Variants in RASIP1 observed in about 807,000 individuals in gnomAD.
The protein encoded by RASIP1 is Ras interacting protein 1.
Under a neutral mutation model 85.3 loss-of-function variants are expected in RASIP1, and 20 were observed. That is an observed-to-expected ratio of 0.23 (90% CI 0.17 to 0.34). The LOEUF (loss-of-function observed/expected upper bound fraction) is 0.34, where lower values mean the gene tolerates loss of function less well. Among genes scored for constraint, RASIP1 ranks in the 10% least tolerant of loss-of-function variants. The probability of loss-of-function intolerance (pLI) is 1.00; values close to 1 mark genes in which losing one functional copy is unlikely to be tolerated. For missense variants in RASIP1, 1,170 were observed against 1,390.9 expected, an observed-to-expected ratio of 0.84 and a Z score of 2.53; for synonymous variants, 617 against 647.1, an observed-to-expected ratio of 0.95 and a Z score of 0.71.
chr19:48,730,234 C>T (rs1401633692), intron 4 of RASIP1, among the ~76,000 whole-genome samples: 2 of 152,018 alleles, frequency 1.3e-5, no homozygotes, highest in Admixed American at 6.5e-5. Context: ...GGCACGATCT[C>T]GGCTCACTCC....
Position 48,724,308 on chromosome 19 carries a change from G to T in RASIP1, c.2544+29C>A. ...AGGGGGGTTGAGGAGTCAGAGGTCA[G>T]GGGTCAGGTATAGCTGACCAGGAGT... On this transcript the variant is annotated intron_variant, in intron 10 of 11. Transcript: ENST00000222145. The surrounding 1 kb of genome is among the most constrained non-coding windows in gnomAD (Gnocchi z 4.6). 1 of 1,600,876 alleles carries T rather than the reference G, an allele frequency of 6.2e-7. No individual in the cohort carries two copies. The highest frequency in any genetic ancestry group is 1.1e-5 in the South Asian group (1 of 90,214).
chr19:48,740,408 G>A lies in RASIP1; in HGVS notation c.-5+113C>T. 1 of 1,413,522 alleles carries A rather than the reference G, an allele frequency of 7.1e-7. No individual in the cohort carries two copies. Among genetic ancestry groups the A allele is most frequent in the East Asian group, 2.7e-5 (1 of 37,184 alleles). 87.6% of individuals were successfully genotyped at this position (1,413,522 alleles called of 1,614,324 possible). A position where few individuals can be genotyped will look rare whatever the true frequency, so the allele number is the denominator to read the frequency against. ...GGGCTCAGACTTGCGAGTCCAGGGGGAGGAGAGGGATGGTACCCTGGATTC... is the reference window on the plus strand; with the variant it reads ...GGGCTCAGACTTGCGAGTCCAGGGGAAGGAGAGGGATGGTACCCTGGATTC... On this transcript the variant is annotated intron_variant, in intron 1 of 11. Coordinates refer to ENST00000222145, the MANE Select transcript of RASIP1 (RefSeq NM_017805.3). This position sits in a 1 kb window ranked among gnomAD's most constrained non-coding sequence, Gnocchi z 5.5.
chr19:48,739,443 C>A lies in RASIP1; in HGVS notation c.340G>T (p.Gly114Cys). The stretch of plus-strand genomic sequence containing the variant: ...TTCTCGCTGGCCCAGCGCTGCGCGC[C>A]CCCCGGGGTCCCAGGGCCTCCTGCG... ...SGAGGPGTPG[G>C]AQRWASEKKL... Residue 114 changes from glycine to cysteine, a missense_variant, in exon 3 of 12, where the codon GGC becomes TGC. Around this residue, in one of 4 missense-constraint regions of RASIP1, gnomAD observed 299 missense variants for 394.4 expected, o/e 0.76. Coordinates refer to ENST00000222145, the MANE Select transcript of RASIP1 (RefSeq NM_017805.3). This position sits in a 1 kb window ranked among gnomAD's most constrained non-coding sequence, Gnocchi z 9.2. The A allele has an allele frequency of 6.9e-7, 1 of 1,451,550 alleles. No individual in the cohort carries two copies. The highest frequency in any genetic ancestry group is 3.0e-5 in the East Asian group (1 of 33,254). The allele number at this position is 1,451,550 out of a possible 1,614,324, so 89.9% of individuals were successfully genotyped here.
intron 4 of RASIP1, among the ~76,000 whole-genome samples, chr19:48,731,389 C>T (rs1322136854): frequency 6.6e-6 from 1 of 152,042 alleles, no homozygotes; most frequent in Non-Finnish European, 1.5e-5. Context: ...AGAGATAACC[C>T]CCCTTCCATC....
At position 48,724,527 on chromosome 19, in the gene RASIP1, A is replaced by T. The variant is rs2033307768; in HGVS notation, c.2372-18T>A. On this transcript the variant is annotated intron_variant, in intron 9 of 11. Transcript: ENST00000222145. This position sits in a 1 kb window ranked among gnomAD's most constrained non-coding sequence, Gnocchi z 4.6. ...GCCTTGACCTGTGGGTGTTAAAGGT[A>T]TGAGAGGCAGTTGGTTGGCTGGACT... The T allele has an allele frequency of 1.2e-6, 2 of 1,608,866 alleles. No homozygotes were observed. The highest frequency in any genetic ancestry group is 1.3e-5 in the African/African-American group (1 of 74,926).
Position 48,721,989 on chromosome 19 carries a change from T to A in RASIP1, c.2557A>T (p.Ser853Cys), listed in dbSNP as rs746284522. The A allele has an allele frequency of 6.8e-7, 1 of 1,461,414 alleles. No individual in the cohort carries two copies. Among genetic ancestry groups the A allele is most frequent in the Non-Finnish European group, 9.2e-7 (1 of 1,089,670 alleles). 90.5% of individuals were successfully genotyped at this position (1,461,414 alleles called of 1,614,324 possible). ...RTSLLKASWS[S>C]LRTDHPTLTP... ...AAGGTGGGGTGGTCGGTTCTTAGGC[T>A]GCTCCATGAAGCCTGGTGGGAAGAC... The change falls in exon 11 of 12, where the codon AGC becomes TGC. Residue 853 changes from serine (S) to cysteine (C), a missense_variant. Physicochemically the swap from Ser to Cys is moderately radical, Grantham distance 112 (BLOSUM62 -1). Around this residue, in one of 4 missense-constraint regions of RASIP1, gnomAD observed 426 missense variants for 576.2 expected, o/e 0.74. Transcript: ENST00000222145.
intron 3 of RASIP1, chr19:48,737,769 A>G: frequency 1.0e-6 from 1 of 983,980 alleles, no homozygotes; most frequent in Non-Finnish European, 1.2e-6. Flanking sequence ...GGGACCCAAC[A>G]GTTTTTGCCC....
In RASIP1 at chr19:48,729,029, G is replaced by A. The variant is rs1417626947; in HGVS notation, c.1741C>T (p.Leu581=). The A allele has an allele frequency of 7.1e-7, 1 of 1,417,890 alleles. No individual in the cohort carries two copies. Among genetic ancestry groups the A allele is most frequent in the Non-Finnish European group, 9.1e-7 (1 of 1,094,780 alleles). 87.8% of individuals were successfully genotyped at this position (1,417,890 alleles called of 1,614,324 possible). A position where few individuals can be genotyped will look rare whatever the true frequency, so the allele number is the denominator to read the frequency against. The stretch of plus-strand genomic sequence containing the variant: ...TCACGGGCGGAATGCTGCACGCACA[G>A]CGCCAGCAGCGTGGCGGGCCCGAGG... ...PPLGPATLLA[L]CVQHSARELE... Residue 581 remains leucine (L), a synonymous_variant, in exon 5 of 12, where the codon CTG becomes TTG. Coordinates refer to ENST00000222145, the MANE Select transcript of RASIP1 (RefSeq NM_017805.3).
At chr19:48,735,589 AAGACAGGGAT>A in intron 3 of RASIP1, 38 bp from the exon 4 acceptor site, 1 of 1,481,692 alleles carries the variant, frequency 6.7e-7, no homozygotes, top group Non-Finnish European at 9.0e-7. Context: ...TGAGCCTGGA[AAGACAGGGAT>A]AGACACAGAG....
intron 3 of RASIP1, among the ~76,000 whole-genome samples, chr19:48,736,259 C>CA (rs2033570118): frequency 6.6e-6 from 1 of 151,686 alleles, no homozygotes; most frequent in African/African-American, 2.4e-5. Flanking sequence ...ACTAAAAATA[C>CA]AAAAAATGTG....
intron 3 of RASIP1, 90 bp from the exon 4 acceptor site, chr19:48,735,641 G>A: frequency 7.9e-7 from 1 of 1,268,090 alleles, no homozygotes; most frequent in Non-Finnish European, 1.1e-6. Flanking sequence ...ACTGGTTGCA[G>A]AGAGGTGAGG....
chr19:48,725,106 C>T (rs144968151), intron 8 of RASIP1, 146 bp from the exon 9 acceptor site: 40 of 926,158 alleles, frequency 4.3e-5, no homozygotes, highest in East Asian at 1.6e-4. Flanking sequence ...AAAGGGTCTC[C>T]GTGAGCAAAT....
chr19:48,736,570 T>G (rs368520925), intron 3 of RASIP1, among the ~76,000 whole-genome samples: 30 of 152,254 alleles, frequency 2.0e-4, no homozygotes, highest in Non-Finnish European at 2.8e-4. Context: ...ACTGCACCAC[T>G]GGGTACTCTG....
In RASIP1 at chr19:48,724,937, A is replaced by C. The variant is rs1028854984; in HGVS notation, c.2151T>G (p.Ala717=). Residue 717 remains alanine, a synonymous_variant, in exon 9 of 12, where the codon GCT becomes GCG. Coordinates refer to ENST00000222145, the MANE Select transcript of RASIP1 (RefSeq NM_017805.3). The surrounding 1 kb of genome is among the most constrained non-coding windows in gnomAD (Gnocchi z 4.6). ...CTGTGAAAGGGTTACTATCCAGGAGAGCAGGCAGCGTTGAATAGAGAGTCT... is the reference window on the plus strand; with the variant it reads ...CTGTGAAAGGGTTACTATCCAGGAGCGCAGGCAGCGTTGAATAGAGAGTCT... ...LTKTLYSTLP[A]LLDSNPFTAG... 1.9e-6 allele frequency: 3 copies of C among 1,613,166 alleles called. No homozygotes were observed. Among genetic ancestry groups the C allele is most frequent in the South Asian group, 2.2e-5 (2 of 91,066 alleles).
rs753543366 is a variant in RASIP1 at position 48,721,868 on chromosome 19, T to G, written c.2678A>C (p.Glu893Ala). 2 of 1,606,186 alleles carry G rather than the reference T, an allele frequency of 1.2e-6. No homozygotes were observed. The highest frequency in any genetic ancestry group is 2.7e-5 in the African/African-American group (2 of 74,272). The change falls in exon 11 of 12, where the codon GAG (glutamate) becomes GCG (alanine). Residue 893 changes from glutamate to alanine, a missense_variant. Glu to Ala is a moderately radical substitution (Grantham distance 107, BLOSUM62 -1). Transcript: ENST00000222145. The part of the protein sequence containing the change: ...AAWDPPPAER[E>A]AVDTGDIFES... ...TTGCTCCTCACCTGTGTCCACAGCC[T>G]CCCGCTCTGCAGGGGGAGGGTCCCA...
Position 48,738,367 on chromosome 19 carries a change from G to A in RASIP1, c.823+593C>T, listed in dbSNP as rs1381534711. The A allele has an allele frequency of 6.6e-6, 1 of 152,226 alleles. No homozygotes were observed. Among genetic ancestry groups the A allele is most frequent in the African/African-American group, 2.4e-5 (1 of 41,434 alleles). 9.4% of individuals were successfully genotyped at this position (152,226 alleles called of 1,614,324 possible). A position where few individuals can be genotyped will look rare whatever the true frequency, so the allele number is the denominator to read the frequency against. On this transcript the variant is annotated intron_variant, in intron 3 of 11. Coordinates refer to ENST00000222145, the MANE Select transcript of RASIP1 (RefSeq NM_017805.3). The surrounding 1 kb of genome is among the most constrained non-coding windows in gnomAD (Gnocchi z 4.0). ...CACATCAAAGGAGAGTACAGTTTAAGCCATTAAGCTGCAGGATGTACACCT... is the reference window on the plus strand; with the variant it reads ...CACATCAAAGGAGAGTACAGTTTAAACCATTAAGCTGCAGGATGTACACCT...
chr19:48,739,279 C>A lies in RASIP1; in HGVS notation c.504G>T (p.Ala168=). The A allele has an allele frequency of 6.8e-7, 1 of 1,465,538 alleles. No homozygotes were observed. Among genetic ancestry groups the A allele is most frequent in the Non-Finnish European group, 9.0e-7 (1 of 1,117,298 alleles). The allele number at this position is 1,465,538 out of a possible 1,614,324, so 90.8% of individuals were successfully genotyped here. The change falls in exon 3 of 12, where the codon GCG becomes GCT. Residue 168 remains alanine (A), a synonymous_variant. Coordinates refer to ENST00000222145, the MANE Select transcript of RASIP1 (RefSeq NM_017805.3). The surrounding 1 kb of genome is among the most constrained non-coding windows in gnomAD (Gnocchi z 9.2). ...CCACGAGCTCGCGCGCCGTGGAGCGCGCCGTGGCCAGCACGCTCTTGTAGT... is the reference window on the plus strand; with the variant it reads ...CCACGAGCTCGCGCGCCGTGGAGCGAGCCGTGGCCAGCACGCTCTTGTAGT... The part of the protein sequence containing the change: ...GANYKSVLAT[A]RSTARELVAE...
intron 10 of RASIP1, 61 bp from the exon 11 acceptor site, chr19:48,722,062 G>C: frequency 7.5e-7 from 1 of 1,337,142 alleles, no homozygotes; most frequent in Non-Finnish European, 1.0e-6. Flanking sequence ...AAATGAAATG[G>C]AAGGGCTTCC....
chr19:48,739,240 C>A lies in RASIP1; in HGVS notation c.543G>T (p.Glu181Asp), dbSNP rs749694360. ...TARELVAEAL[E>D]RYGLAGSPGG... The stretch of plus-strand genomic sequence containing the variant: ...CGGGGCTGCCTGCTAGGCCGTAGCG[C>A]TCTAGCGCCTCGGCCACGAGCTCGC... The change falls in exon 3 of 12, where the codon GAG becomes GAT. Residue 181 changes from glutamate to aspartate, a missense_variant. Physicochemically the swap from Glu to Asp is conservative, Grantham distance 45. Around this residue, in one of 4 missense-constraint regions of RASIP1, gnomAD observed 299 missense variants for 394.4 expected, o/e 0.76. Coordinates refer to ENST00000222145, the MANE Select transcript of RASIP1 (RefSeq NM_017805.3). This position sits in a 1 kb window ranked among gnomAD's most constrained non-coding sequence, Gnocchi z 9.2. 40 of 1,475,440 alleles carry A rather than the reference C, an allele frequency of 2.7e-5. No individual in the cohort carries two copies. Among genetic ancestry groups the A allele is most frequent in the Non-Finnish European group, 2.9e-5 (33 of 1,120,656 alleles). 91.4% of individuals were successfully genotyped at this position (1,475,440 alleles called of 1,614,324 possible).
Sources: allele counts gnomAD v4.1 joint callset (sites outside exome capture counted in the v4.1 genomes callset), GRCh38; gene constraint gnomAD v4.1.1; regional missense constraint gnomAD v4.1.1; non-coding constraint Gnocchi (gnomAD v3.1); transcripts MANE v1.5; gene names NCBI Gene and HGNC (gene_info 2026-07-23, HGNC 2026-07-21).